ANKRD44: variants seen among roughly 807,000 people sequenced by gnomAD.
ANKRD44 encodes ankyrin repeat domain 44.
In ANKRD44, 35 loss-of-function variants were observed where a neutral mutation model predicts 116.0. The ratio of observed to expected loss-of-function variants is 0.30; its 90% CI spans 0.23 to 0.40. ANKRD44 has a LOEUF of 0.40. ANKRD44 is among the 10% of genes least tolerant of loss of function. The pLI is 1.00. For missense variants in ANKRD44, 1,014 were observed against 1,242.6 expected (o/e 0.82, Z 2.77); for synonymous variants, 435 against 461.8 (o/e 0.94, Z 0.74).
intron 2 of ANKRD44, among the ~76,000 whole-genome samples, chr2:197,184,639 CAAAAAAA>C (rs3057744): frequency 4.3e-5 from 4 of 92,322 alleles, no homozygotes; most frequent in African/African-American, 3.8e-5. Flanking sequence ...GACTCCATCT[CAAAAAAA>C]AAAAAAAAAA....
chr2:197,235,876 T>C (rs1013286074), intron 1 of ANKRD44, among the ~76,000 whole-genome samples: 1 of 152,026 alleles, frequency 6.6e-6, no homozygotes, highest in African/African-American at 2.4e-5. Context: ...AGGGAAGTAA[T>C]AGCAAACAAG....
chr2:197,076,567 C>T (rs1220154809), intron 16 of ANKRD44, among the ~76,000 whole-genome samples: 1 of 152,112 alleles, frequency 6.6e-6, no homozygotes, highest in Non-Finnish European at 1.5e-5. Context: ...AAATTTGTGT[C>T]ATGGGGGTTT....
At chr2:197,108,782 G>A (rs1443546087) in intron 9 of ANKRD44, among the ~76,000 whole-genome samples, 3 of 152,040 alleles carry the variant, frequency 2.0e-5, no homozygotes, top group African/African-American at 7.3e-5. Context: ...ATGTTGCAGT[G>A]AGCTGAGATC....
intron 1 of ANKRD44, among the ~76,000 whole-genome samples, chr2:197,244,797 T>C (rs1185821227): frequency 2.0e-5 from 3 of 152,196 alleles, no homozygotes. Flanking sequence ...ATCTCCGTGT[T>C]CTAGCAAAAT....
At position 197,216,869 on chromosome 2, in the gene ANKRD44, AACACAC is replaced by A. The variant is rs61641385; in HGVS notation, c.28-29769_28-29764del. Among the ~76,000 whole-genome samples, 951 of 139,826 alleles carry A rather than the reference AACACAC, an allele frequency of 6.8e-3. 12 individuals are homozygous for A. Among genetic ancestry groups the A allele is most frequent in the African/African-American group, 0.024 (881 of 36,170 alleles). 91.7% of individuals were successfully genotyped at this position (139,826 alleles called of 152,430 possible). On this transcript the variant is annotated intron_variant, in intron 1 of 27. Coordinates refer to ENST00000282272, the MANE Select transcript of ANKRD44 (RefSeq NM_001195144.2). ...GCTTTGTCAGCAAGCACATTGGTTAAACACACACACACACACACACACACACACACA... is the reference window on the plus strand; with the variant it reads ...GCTTTGTCAGCAAGCACATTGGTTAAACACACACACACACACACACACACA...
In ANKRD44 at chr2:197,000,499, G is replaced by C. The variant is rs2076095611; in HGVS notation, c.2439C>G (p.Ile813Met). 1.2e-6 allele frequency: 2 copies of C among 1,613,162 alleles called. No individual in the cohort carries two copies. Among genetic ancestry groups the C allele is most frequent in the African/African-American group, 1.3e-5 (1 of 74,886 alleles). ...ATGATGCACAATTCCCATGATCATT[G>C]ATTCTAAAATGAAAATGGGTTTTAA... Reference protein sequence around the residue: ...NPFTPLHCAIINDHGNCASLL... With the variant: ...NPFTPLHCAIMNDHGNCASLL... The change falls in exon 23 of 28, where the codon ATC (isoleucine) becomes ATG (methionine). Residue 813 changes from isoleucine (I) to methionine (M), a missense_variant. Coordinates refer to ENST00000282272, the MANE Select transcript of ANKRD44 (RefSeq NM_001195144.2).
At chr2:197,224,767 G>T (rs769975392) in intron 1 of ANKRD44, among the ~76,000 whole-genome samples, 1 of 152,152 alleles carries the variant, frequency 6.6e-6, no homozygotes, top group Non-Finnish European at 1.5e-5. Context: ...AAGGTGAAGG[G>T]TTGGTAATGA....
Position 197,203,769 on chromosome 2 carries a change from A to T in ANKRD44, c.28-16663T>A, listed in dbSNP as rs192547064. Among the ~76,000 whole-genome samples the T allele has an allele frequency of 6.2e-4, 95 of 152,322 alleles. 1 individual carries two copies. The Middle Eastern group carries it at 0.017, about 27-fold the overall frequency. On this transcript the variant is annotated intron_variant, in intron 1 of 27. Coordinates refer to ENST00000282272, the MANE Select transcript of ANKRD44 (RefSeq NM_001195144.2). This position sits in a 1 kb window ranked among gnomAD's most constrained non-coding sequence, Gnocchi z 4.1. ...CAAATGTGGTACAGCCGTAGAGTAAAATATTACTCAGCCATGAAAAGGAAC... is the reference window on the plus strand; with the variant it reads ...CAAATGTGGTACAGCCGTAGAGTAATATATTACTCAGCCATGAAAAGGAAC...
intron 26 of ANKRD44, among the ~76,000 whole-genome samples, chr2:196,994,171 T>C (rs2075970042): frequency 6.6e-6 from 1 of 152,240 alleles, no homozygotes; most frequent in Admixed American, 6.5e-5. Context: ...TTGTGCTATA[T>C]ACTGCTTAAG....
chr2:197,244,830 G>A (rs2082156781), intron 1 of ANKRD44, among the ~76,000 whole-genome samples: 1 of 152,118 alleles, frequency 6.6e-6, no homozygotes, highest in Admixed American at 6.5e-5. Context: ...TCCATACATA[G>A]TAAAAGCATG....
chr2:197,015,257 G>A (rs1041109159), intron 17 of ANKRD44: 1 of 337,072 alleles, frequency 3.0e-6, no homozygotes, highest in Non-Finnish European at 5.7e-6. Flanking sequence ...ATCTAACAGC[G>A]AAGAAAATAT....
intron 2 of ANKRD44, among the ~76,000 whole-genome samples, chr2:197,186,209 G>T (rs377763075): frequency 2.0e-5 from 3 of 151,934 alleles, no homozygotes; most frequent in East Asian, 3.9e-4. Flanking sequence ...TGGGTTCCAG[G>T]GGTTCATCAC....
chr2:197,303,593 G>C (rs2083978003), intron 1 of ANKRD44, among the ~76,000 whole-genome samples: 1 of 152,130 alleles, frequency 6.6e-6, no homozygotes, highest in Admixed American at 6.5e-5. Context: ...GCTTTCTTAG[G>C]GGAAAATGGT....
In ANKRD44 at chr2:197,147,142, G is replaced by A. The variant is rs370049641; in HGVS notation, c.112-37C>T. On this transcript the variant is annotated intron_variant, in intron 2 of 27. Transcript: ENST00000282272. ...AACGTCAAAGACATACAACAGGTCA[G>A]TGGCAGCTGGAGGTCCCTTTTGTAG... 8.2e-6 allele frequency: 13 copies of A among 1,587,782 alleles called. No homozygotes were observed. In the African/African-American group the frequency reaches 1.7e-4, roughly 21 times the overall value.
intron 1 of ANKRD44, among the ~76,000 whole-genome samples, chr2:197,208,693 G>A (rs1485589232): frequency 3.3e-5 from 5 of 152,088 alleles, no homozygotes; most frequent in African/African-American, 9.7e-5. Context: ...CCAGCTACTC[G>A]GGAGGCTGAG....
At chr2:197,002,307 T>C (rs1203127641) in intron 21 of ANKRD44, among the ~76,000 whole-genome samples, 1 of 152,178 alleles carries the variant, frequency 6.6e-6, no homozygotes, top group Non-Finnish European at 1.5e-5. Flanking sequence ...GACTATAAAA[T>C]ACTATATGTG....
rs1408902640 is a variant in ANKRD44, at chr2:197,001,708, A to ATT, written c.2435+44_2435+45insAA. On this transcript the variant is annotated intron_variant, in intron 22 of 27. Coordinates refer to ENST00000282272, the MANE Select transcript of ANKRD44 (RefSeq NM_001195144.2). ...CAAAGCAACTTTTCTATGTGTAGTTAAAATCATTAAAGCAACATCATTAAC... is the reference window on the plus strand; with the variant it reads ...CAAAGCAACTTTTCTATGTGTAGTTATTAAATCATTAAAGCAACATCATTAAC... 1.5e-5 allele frequency: 21 copies of ATT among 1,445,692 alleles called. No homozygotes were observed. In the Middle Eastern group the frequency reaches 5.3e-4, roughly 36 times the overall value. The allele number at this position is 1,445,692 out of a possible 1,614,324, so 89.6% of individuals were successfully genotyped here. A position where few individuals can be genotyped will look rare whatever the true frequency, so the allele number is the denominator to read the frequency against.
chr2:197,224,733 A>T (rs144038784), intron 1 of ANKRD44, among the ~76,000 whole-genome samples: 71 of 152,196 alleles, frequency 4.7e-4, no homozygotes, highest in African/African-American at 1.5e-3. Context: ...AAATGACTCA[A>T]TTTTCTTTCC....
chr2:197,061,072 G>T (rs2077302513), intron 16 of ANKRD44, among the ~76,000 whole-genome samples: 2 of 152,126 alleles, frequency 1.3e-5, no homozygotes, highest in Admixed American at 1.3e-4. Flanking sequence ...CTATATGGTA[G>T]TCCTATTTTT....
Sources: gnomAD v4.1 joint callset for allele counts (sites outside exome capture counted in the v4.1 genomes callset) on GRCh38, gnomAD v4.1.1 for gene constraint, Gnocchi (gnomAD v3.1) non-coding constraint, MANE v1.5 for transcripts, NCBI Gene and HGNC (gene_info 2026-07-23, HGNC 2026-07-21) for gene names.